AGBL4: variants seen among roughly 807,000 people sequenced by gnomAD.
The protein encoded by AGBL4 is cytosolic carboxypeptidase 6.
AGBL4 carries 58 observed loss-of-function variants against 66.4 expected under a neutral mutation model. The observed-to-expected ratio is 0.87, with a 90% confidence interval of 0.71 to 1.09. The LOEUF (loss-of-function observed/expected upper bound fraction) is 1.09. AGBL4 is among the 50% of genes least tolerant of loss of function. The pLI, the probability that AGBL4 is intolerant of heterozygous loss-of-function variation, is 0.00. For missense variants in AGBL4, 579 were observed against 631.0 expected, an observed-to-expected ratio of 0.92 and a Z score of 0.88; for synonymous variants, 234 against 222.9, an observed-to-expected ratio of 1.05 and a Z score of -0.44.
intron 3 of AGBL4, among the ~76,000 whole-genome samples, chr1:49,360,084 T>C (rs747582241): frequency 3.9e-4 from 60 of 152,166 alleles, no homozygotes; most frequent in Non-Finnish European, 7.8e-4. Context: ...GGATCATCTT[T>C]CCACCAAGAA....
chr1:48,778,814 C>T (rs567196276), intron 6 of AGBL4, among the ~76,000 whole-genome samples: 7 of 152,238 alleles, frequency 4.6e-5, no homozygotes, highest in African/African-American at 9.6e-5. Context: ...ATAGACAGTG[C>T]GTTATATAAG....
chr1:49,726,588 C>T (rs1288300367), intron 2 of AGBL4, among the ~76,000 whole-genome samples: 2 of 152,032 alleles, frequency 1.3e-5, no homozygotes, highest in African/African-American at 4.8e-5. Context: ...TTTTTAATGA[C>T]TGCAAAGGTC....
At chr1:49,474,415 A>C (rs1307099535) in intron 3 of AGBL4, among the ~76,000 whole-genome samples, 1 of 151,836 alleles carries the variant, frequency 6.6e-6, no homozygotes, top group African/African-American at 2.4e-5. Flanking sequence ...TCCTTTTTAC[A>C]CATTTTTTTG....
chr1:48,861,281 G>C (rs552285258), intron 6 of AGBL4, among the ~76,000 whole-genome samples: 3 of 152,102 alleles, frequency 2.0e-5, no homozygotes, highest in Non-Finnish European at 2.9e-5. Flanking sequence ...ATAGCATCTA[G>C]CATTTGTCCA....
chr1:49,237,516 A>T (rs1210852019), intron 4 of AGBL4, among the ~76,000 whole-genome samples: 7 of 336 alleles, frequency 0.021, no homozygotes, highest in African/African-American at 0.035. Context: ...ATTACATTAT[A>T]TATATATATA....
chr1:49,601,954 C>T (rs906767197), intron 3 of AGBL4, among the ~76,000 whole-genome samples: 2 of 152,106 alleles, frequency 1.3e-5, no homozygotes, highest in Non-Finnish European at 2.9e-5. Flanking sequence ...ATCTATCCAT[C>T]TGACAAAGGG....
chr1:49,831,574 C>A (rs1645680042), intron 2 of AGBL4, among the ~76,000 whole-genome samples: 1 of 152,120 alleles, frequency 6.6e-6, no homozygotes, highest in Non-Finnish European at 1.5e-5. Context: ...AATTAGACTT[C>A]CTCTCTTCAT....
intron 6 of AGBL4, among the ~76,000 whole-genome samples, chr1:48,803,772 C>G (rs1645861014): frequency 6.6e-6 from 1 of 152,124 alleles, no homozygotes; most frequent in Non-Finnish European, 1.5e-5. Flanking sequence ...TATGCTTTAC[C>G]CTCTTTCTTG....
intron 1 of AGBL4, among the ~76,000 whole-genome samples, chr1:49,876,223 G>C (rs1463247905): frequency 8.1e-6 from 1 of 123,874 alleles, no homozygotes. Context: ...TGGACATGAA[G>C]TCCTTGCCCA....
intron 3 of AGBL4, among the ~76,000 whole-genome samples, chr1:49,670,391 G>C (rs2124522130): frequency 6.6e-6 from 1 of 152,276 alleles, no homozygotes; most frequent in African/African-American, 2.4e-5. Context: ...AGCTTTTTAA[G>C]TTTACAAAGT....
chr1:49,064,792 T>C (rs1219203526), intron 4 of AGBL4, among the ~76,000 whole-genome samples: 2 of 152,180 alleles, frequency 1.3e-5, no homozygotes, highest in African/African-American at 4.8e-5. Context: ...TTTGTACTCA[T>C]TTACCTCTCT....
intron 6 of AGBL4, among the ~76,000 whole-genome samples, chr1:48,864,682 C>T (rs1345378665): frequency 6.6e-6 from 1 of 152,022 alleles, no homozygotes; most frequent in Non-Finnish European, 1.5e-5. Flanking sequence ...TAGTGTGATA[C>T]CACAGGAATT....
At chr1:48,960,468 TG>T (rs1405137489) in intron 5 of AGBL4, among the ~76,000 whole-genome samples, 4 of 152,150 alleles carry the variant, frequency 2.6e-5, no homozygotes, top group Non-Finnish European at 2.9e-5. Context: ...AGCTAACATA[TG>T]GTATTTTAAG....
At chr1:48,924,663 C>G (rs1654378488) in intron 5 of AGBL4, among the ~76,000 whole-genome samples, 1 of 151,992 alleles carries the variant, frequency 6.6e-6, no homozygotes, top group South Asian at 2.1e-4. Flanking sequence ...AATAGCTGCC[C>G]AAAAAATATC....
chr1:48,786,275 A>C (rs1365370712), intron 6 of AGBL4, among the ~76,000 whole-genome samples: 2 of 152,224 alleles, frequency 1.3e-5, no homozygotes, highest in Non-Finnish European at 2.9e-5. Context: ...TTTTCAAAAT[A>C]TCCCATAAAG....
intron 1 of AGBL4, among the ~76,000 whole-genome samples, chr1:49,967,686 G>A (rs1481940224): frequency 6.6e-6 from 1 of 152,052 alleles, no homozygotes; most frequent in Non-Finnish European, 1.5e-5. Context: ...TTATACTGTT[G>A]ATTTATACTA....
intron 6 of AGBL4, among the ~76,000 whole-genome samples, chr1:48,849,597 TTC>T (rs1169356664): frequency 6.6e-6 from 1 of 152,246 alleles, no homozygotes; most frequent in Non-Finnish European, 1.5e-5. Flanking sequence ...CCTTCACTGC[TTC>T]TCACTATTTA....
At chr1:49,137,274 A>G (rs1484931773) in intron 4 of AGBL4, among the ~76,000 whole-genome samples, 1 of 152,164 alleles carries the variant, frequency 6.6e-6, no homozygotes, top group Non-Finnish European at 1.5e-5. Flanking sequence ...TGCTATTAAC[A>G]TGACACAAAA....
intron 5 of AGBL4, among the ~76,000 whole-genome samples, chr1:48,973,201 C>T (rs577287742): frequency 6.6e-6 from 1 of 152,116 alleles, no homozygotes; most frequent in East Asian, 1.9e-4. Context: ...GTGGTAGTCC[C>T]ATAACTATTC....
Sources: gnomAD v4.1 joint callset for allele counts (sites outside exome capture counted in the v4.1 genomes callset) on GRCh38, gnomAD v4.1.1 for gene constraint, MANE v1.5 for transcripts, NCBI Gene and HGNC (gene_info 2026-07-23, HGNC 2026-07-21) for gene names.